AAK1: variants seen among roughly 807,000 people sequenced by gnomAD.
AAK1 encodes AP2-associated protein kinase 1.
In AAK1, 37 loss-of-function variants were observed where a neutral mutation model predicts 116.0. That is an observed-to-expected ratio of 0.32 (90% CI 0.25 to 0.42). AAK1 has a LOEUF of 0.42. AAK1 is among the 10% of genes least tolerant of loss of function. The pLI is 1.00. For synonymous variants in AAK1, 458 were observed against 439.9 expected, an observed-to-expected ratio of 1.04 and a Z score of -0.51; for missense variants, 919 against 1,170.6, an observed-to-expected ratio of 0.79 and a Z score of 3.14.
intron 19 of AAK1, among the ~76,000 whole-genome samples, chr2:69,480,395 T>C (rs1376683622): frequency 6.6e-6 from 1 of 152,090 alleles, no homozygotes; most frequent in African/African-American, 2.4e-5. Flanking sequence ...GCCTACAATT[T>C]TACAGCAAAT....
chr2:69,603,099 T>C (rs1262612332), intron 2 of AAK1, among the ~76,000 whole-genome samples: 2 of 152,164 alleles, frequency 1.3e-5, no homozygotes, highest in Non-Finnish European at 2.9e-5. Context: ...TTATCAGTTA[T>C]GGAAGTCAAA....
At chr2:69,575,635 T>G (rs1672284887) in intron 2 of AAK1, among the ~76,000 whole-genome samples, 1 of 152,104 alleles carries the variant, frequency 6.6e-6, no homozygotes, top group African/African-American at 2.4e-5. Context: ...TGTCGGCTAA[T>G]TTTTGTAATT....
At chr2:69,612,855 T>C (rs1010993716) in intron 2 of AAK1, among the ~76,000 whole-genome samples, 1 of 152,240 alleles carries the variant, frequency 6.6e-6, no homozygotes, top group Admixed American at 6.5e-5. Flanking sequence ...TCTACTATGA[T>C]GTCAACTTTA....
rs181018634 is a variant in AAK1 at position 69,500,688 on chromosome 2, T to G, written c.2270-4608A>C. Among the ~76,000 whole-genome samples the G allele has an allele frequency of 2.7e-5, 3 of 112,182 alleles. No individual in the cohort carries two copies. The East Asian group carries it at 8.0e-4, about 30-fold the overall frequency. The allele number at this position is 112,182 out of a possible 152,430, so 73.6% of individuals were successfully genotyped here. A position where few individuals can be genotyped will look rare whatever the true frequency, so the allele number is the denominator to read the frequency against. On this transcript the variant is annotated intron_variant, in intron 16 of 21. Transcript: ENST00000409085. ...AAATATATATATATATATATATATA[T>G]ATATATATATACACACACACACACA...
At chr2:69,499,329 A>G (rs1675879076) in intron 16 of AAK1, among the ~76,000 whole-genome samples, 1 of 152,052 alleles carries the variant, frequency 6.6e-6, no homozygotes, top group Non-Finnish European at 1.5e-5. Context: ...TTGGACCTTC[A>G]ACCTTCTTCT....
chr2:69,517,734 G>T (rs935691313), intron 12 of AAK1, among the ~76,000 whole-genome samples: 2 of 148,974 alleles, frequency 1.3e-5, no homozygotes, highest in African/African-American at 5.0e-5. Context: ...AAAATTCCAA[G>T]GGACAAATAA....
At chr2:69,489,110 T>G (rs1217732262) in intron 17 of AAK1, among the ~76,000 whole-genome samples, 3 of 151,026 alleles carry the variant, frequency 2.0e-5, no homozygotes, top group East Asian at 4.0e-4. Flanking sequence ...CCTCCCAAAG[T>G]GCTGGGATTA....
chr2:69,533,170 T>C (rs1044511584), intron 5 of AAK1, among the ~76,000 whole-genome samples: 52 of 152,180 alleles, frequency 3.4e-4, no homozygotes, highest in African/African-American at 1.0e-3. Context: ...GAGTAGACTA[T>C]AAAATAGTCT....
intron 2 of AAK1, among the ~76,000 whole-genome samples, chr2:69,581,021 A>G (rs1008262751): frequency 8.5e-5 from 13 of 152,184 alleles, no homozygotes; most frequent in African/African-American, 3.1e-4. Context: ...AAGTACATGT[A>G]AGTAACACAT....
Position 69,520,978 on chromosome 2 carries a change from G to T in AAK1, c.1066C>A (p.Pro356Thr), listed in dbSNP as rs267599428. 1 of 1,613,958 alleles carries T rather than the reference G, an allele frequency of 6.2e-7. No homozygotes were observed. The highest frequency in any genetic ancestry group is 8.5e-7 in the Non-Finnish European group (1 of 1,179,836). The change falls in exon 11 of 22, where the codon CCC becomes ACC. Residue 356 changes from proline (P) to threonine (T), a missense_variant. Physicochemically the swap from Pro to Thr is conservative, Grantham distance 38. Coordinates refer to ENST00000409085, the MANE Select transcript of AAK1 (RefSeq NM_014911.5). Reference protein sequence around the residue: ...KTQPKARLTDPIPTTETSIAP... With the variant: ...KTQPKARLTDTIPTTETSIAP... ...ATTGAAGTCTCTGTGGTGGGAATGG[G>T]ATCTGTCAGTCTAGAAAGGGAAAAG...
At chr2:69,557,415 C>T (rs765185497) in intron 2 of AAK1, among the ~76,000 whole-genome samples, 10 of 151,912 alleles carry the variant, frequency 6.6e-5, no homozygotes, top group Non-Finnish European at 1.3e-4. Context: ...GATCCTCCCA[C>T]CTCAGCCTCC....
intron 2 of AAK1, among the ~76,000 whole-genome samples, chr2:69,602,551 C>T (rs927213071): frequency 6.6e-6 from 1 of 151,972 alleles, no homozygotes; most frequent in Non-Finnish European, 1.5e-5. Context: ...ATATGTGAAT[C>T]TTGTGTATCA....
In AAK1 at chr2:69,467,162, C is replaced by A. The variant is rs1674514858; in HGVS notation, c.*8707G>T. On this transcript the variant is annotated 3_prime_UTR_variant, in exon 22 of 22. Coordinates refer to ENST00000409085, the MANE Select transcript of AAK1 (RefSeq NM_014911.5). ...TGAGGGGAGCATACAGCATCAAAAT[C>A]AGACCAAATAAATCACCTTCAGCTG... The A allele has an allele frequency of 1.0e-6, 1 of 985,312 alleles. No individual in the cohort carries two copies. The highest frequency in any genetic ancestry group is 1.2e-6 in the Non-Finnish European group (1 of 829,936). The allele number at this position is 985,312 out of a possible 1,614,324, so 61.0% of individuals were successfully genotyped here.
chr2:69,521,427 G>A (rs575385465), intron 10 of AAK1, among the ~76,000 whole-genome samples: 2 of 152,156 alleles, frequency 1.3e-5, no homozygotes, highest in Non-Finnish European at 2.9e-5. Flanking sequence ...TTCAAACTTG[G>A]CTGCAACTAG....
intron 17 of AAK1, among the ~76,000 whole-genome samples, chr2:69,492,588 C>T (rs1426327107): frequency 7.4e-6 from 1 of 135,174 alleles, no homozygotes; most frequent in African/African-American, 2.8e-5. Flanking sequence ...AGGAGTGTGA[C>T]CTCAGCTCAC....
intron 16 of AAK1, among the ~76,000 whole-genome samples, chr2:69,500,698 T>TATATATATATATACACACACACACAC: frequency 4.6e-5 from 3 of 65,102 alleles, no homozygotes; most frequent in African/African-American, 2.4e-4. Flanking sequence ...TATATATATA[T>TATATATATATATACACACACACACAC]ACACACACAC....
intron 2 of AAK1, among the ~76,000 whole-genome samples, chr2:69,591,192 T>C (rs1404590306): frequency 6.6e-6 from 1 of 152,152 alleles, no homozygotes; most frequent in African/African-American, 2.4e-5. Context: ...AGGCACAAAG[T>C]GGAGAAAGAA....
chr2:69,619,733 T>C (rs927820072), intron 2 of AAK1, among the ~76,000 whole-genome samples: 3 of 152,080 alleles, frequency 2.0e-5, no homozygotes, highest in East Asian at 1.9e-4. Context: ...GAGCAAGCTT[T>C]GGGGCTACCT....
chr2:69,638,458 C>T (rs542424681), intron 2 of AAK1, among the ~76,000 whole-genome samples: 6 of 152,132 alleles, frequency 3.9e-5, no homozygotes, highest in African/African-American at 7.2e-5. Flanking sequence ...GGAGGGGAGC[C>T]GTGCATTCTT....
Sources: gnomAD v4.1 joint callset for allele counts (sites outside exome capture counted in the v4.1 genomes callset) on GRCh38, gnomAD v4.1.1 for gene constraint, MANE v1.5 for transcripts, NCBI Gene and HGNC (gene_info 2026-07-23, HGNC 2026-07-21) for gene names.